Variants in RASGEF1A observed in about 807,000 individuals in gnomAD.
RASGEF1A encodes the protein ras-GEF domain-containing family member 1A.
A neutral mutation model predicts 56.4 loss-of-function variants in RASGEF1A; 18 were observed. The ratio of observed to expected loss-of-function variants is 0.32; its 90% CI spans 0.22 to 0.47. The LOEUF is 0.47. Ranked by LOEUF, RASGEF1A falls within the 20% of genes least tolerant of loss-of-function variation. RASGEF1A has a pLI of 1.00. For synonymous variants in RASGEF1A, 245 were observed against 242.6 expected (o/e 1.01, Z -0.09); for missense variants, 422 against 627.1 (o/e 0.67, Z 3.49).
chr10:43,246,365 C>T (rs1440456135), intron 1 of RASGEF1A, among the ~76,000 whole-genome samples: 2 of 152,136 alleles, frequency 1.3e-5, no homozygotes, highest in Non-Finnish European at 2.9e-5. Context: ...AATGCAATCC[C>T]TATCAAAATT....
chr10:43,200,877 T>C lies in RASGEF1A; in HGVS notation c.471A>G (p.Thr157=), dbSNP rs747047639. 5 of 1,613,854 alleles carry C rather than the reference T, an allele frequency of 3.1e-6. No homozygotes were observed. Among genetic ancestry groups the C allele is most frequent in the East Asian group, 2.2e-5 (1 of 44,868 alleles). Residue 157 remains threonine (T), a synonymous_variant, in exon 5 of 13, where the codon ACA becomes ACG. Transcript: ENST00000395810. ...RVTQCDEENG[T]VKKAIAQMTQ... ...TCATCTGGGCAATGGCCTTCTTCAC[T>C]GTGCCATTCTCCTGTGGGGTCAAGG...
At chr10:43,225,659 ACAGTGG>A (rs1225161953) in intron 1 of RASGEF1A, among the ~76,000 whole-genome samples, 2 of 152,024 alleles carry the variant, frequency 1.3e-5, no homozygotes, top group Non-Finnish European at 2.9e-5. Context: ...CACGATGTCC[ACAGTGG>A]GCCTGCTCTG....
At chr10:43,263,460 G>A (rs1330213577) in intron 1 of RASGEF1A, among the ~76,000 whole-genome samples, 19 of 152,188 alleles carry the variant, frequency 1.2e-4, no homozygotes, top group African/African-American at 4.6e-4. Context: ...AAAAGGAAAA[G>A]CACCTGTCAA....
intron 1 of RASGEF1A, among the ~76,000 whole-genome samples, chr10:43,255,554 C>T (rs1181755820): frequency 6.6e-6 from 1 of 152,256 alleles, no homozygotes; most frequent in Admixed American, 6.5e-5. Flanking sequence ...AGGACAGGAA[C>T]ATCACAGCTC....
chr10:43,236,050 G>C (rs1213027593), intron 1 of RASGEF1A, among the ~76,000 whole-genome samples: 2 of 152,234 alleles, frequency 1.3e-5, no homozygotes, highest in African/African-American at 4.8e-5. Context: ...GACAGCACAT[G>C]GAAATAGGGC....
chr10:43,198,800 C>T (rs1839842226), intron 9 of RASGEF1A, 133 bp downstream of exon 9: 2 of 820,228 alleles, frequency 2.4e-6, no homozygotes, highest in Admixed American at 3.7e-5. Flanking sequence ...GCCAGGCCAG[C>T]TCAGCCAGCA....
chr10:43,204,492 C>T (rs76331985), intron 2 of RASGEF1A, among the ~76,000 whole-genome samples: 1 of 152,228 alleles, frequency 6.6e-6, no homozygotes, highest in Non-Finnish European at 1.5e-5. Flanking sequence ...CTCAGGGTCC[C>T]CCTTCTAAGG....
Position 43,196,263 on chromosome 10 carries a change from G to A in RASGEF1A, c.1427C>T (p.Thr476Ile). Residue 476 changes from threonine to isoleucine, a missense_variant, in exon 13 of 13, where the codon ACC (threonine) becomes ATC (isoleucine). By Grantham distance (89) the Thr-to-Ile change is moderately conservative. Transcript: ENST00000395810. The surrounding 1 kb of genome is among the most constrained non-coding windows in gnomAD (Gnocchi z 4.6). ...EKDSWKTLRT[T>I]LLNRA ...TCCGCCTCAGGCTCTGTTCAGAAGG[G>A]TGGTCCTAGAGGGGGACAGGACAAG... 6.2e-7 allele frequency: 1 copy of A among 1,613,630 alleles called. No individual in the cohort carries two copies. The highest frequency in any genetic ancestry group is 8.5e-7 in the Non-Finnish European group (1 of 1,179,758).
intron 1 of RASGEF1A, chr10:43,229,821 G>GGGGACCGCGGGGTCCGGGCGGGGCAGA: frequency 9.5e-7 from 1 of 1,056,002 alleles, no homozygotes; most frequent in Non-Finnish European, 1.2e-6. Flanking sequence ...GGGCTGGGCT[G>GGGGACCGCGGGGTCCGGGCGGGGCAGA]GGGACCGCGG....
At chr10:43,241,991 A>C (rs1418740845) in intron 1 of RASGEF1A, among the ~76,000 whole-genome samples, 1 of 152,204 alleles carries the variant, frequency 6.6e-6, no homozygotes, top group African/African-American at 2.4e-5. Flanking sequence ...CAAAAAAATT[A>C]GCCAGGCATG....
chr10:43,255,406 T>C (rs559316409), intron 1 of RASGEF1A, among the ~76,000 whole-genome samples: 2 of 152,074 alleles, frequency 1.3e-5, no homozygotes, highest in East Asian at 3.9e-4. Context: ...ACCACTGTCC[T>C]GACCCAGCCC....
chr10:43,247,859 C>G (rs1357219107), intron 1 of RASGEF1A, among the ~76,000 whole-genome samples: 2 of 151,694 alleles, frequency 1.3e-5, no homozygotes, highest in Non-Finnish European at 2.9e-5. Flanking sequence ...GTCAGGAGTT[C>G]AAGACCAGTC....
intron 1 of RASGEF1A, among the ~76,000 whole-genome samples, chr10:43,262,511 G>A (rs1365401978): frequency 2.0e-5 from 3 of 152,198 alleles, no homozygotes; most frequent in African/African-American, 7.2e-5. Flanking sequence ...ACGTGGCCCA[G>A]GCCAGGCACC....
chr10:43,249,968 A>T (rs747142869), intron 1 of RASGEF1A, among the ~76,000 whole-genome samples: 2 of 152,218 alleles, frequency 1.3e-5, no homozygotes, highest in African/African-American at 2.4e-5. Context: ...TCCCTCGGGG[A>T]AAGTCCCCTG....
chr10:43,198,202 G>A lies in RASGEF1A; in HGVS notation c.1033-7C>T. 3 of 1,603,098 alleles carry A rather than the reference G, an allele frequency of 1.9e-6. No individual in the cohort carries two copies. Among genetic ancestry groups the A allele is most frequent in the Non-Finnish European group, 2.6e-6 (3 of 1,171,916 alleles). ...TGGACGGGTCCATGTGATGCTGTGG[G>A]CACAGGGAGGACCTGGTGAGCATCA... On this transcript the variant is annotated splice_region_variant and splice_polypyrimidine_tract_variant and intron_variant, in intron 9 of 12. Transcript: ENST00000395810.
chr10:43,198,903 T>C (rs1308718589), intron 9 of RASGEF1A, 30 bp downstream of exon 9: 1 of 1,574,830 alleles, frequency 6.3e-7, no homozygotes, highest in Admixed American at 1.8e-5. Context: ...TGGGTGCAGC[T>C]CGCAGCTGTG....
chr10:43,257,601 C>T (rs892385555), intron 1 of RASGEF1A, among the ~76,000 whole-genome samples: 2 of 152,192 alleles, frequency 1.3e-5, no homozygotes, highest in African/African-American at 4.8e-5. Flanking sequence ...TGCGCTTCCC[C>T]CGGGCCTCCC....
rs1392938555 is a variant in RASGEF1A, at chr10:43,199,770, T to C, written c.757-2A>G. ...GGTCTTGGTCAGGTCCCCTCGGCAC[T>C]GGAAAGGACACAGCAGGTCATAGGG... On this transcript the variant is annotated splice_acceptor_variant, in intron 6 of 12. Transcript: ENST00000395810. LOFTEE classifies it high-confidence loss of function. The C allele has an allele frequency of 6.2e-7, 1 of 1,612,780 alleles. No homozygotes were observed. Among genetic ancestry groups the C allele is most frequent in the East Asian group, 2.2e-5 (1 of 44,880 alleles).
At chr10:43,219,031 A>G (rs560342752) in intron 1 of RASGEF1A, among the ~76,000 whole-genome samples, 2 of 152,062 alleles carry the variant, frequency 1.3e-5, no homozygotes, top group Non-Finnish European at 2.9e-5. Flanking sequence ...GGCATAGAAC[A>G]TCATTGTCCA....
Sources: allele counts gnomAD v4.1 joint callset (sites outside exome capture counted in the v4.1 genomes callset), GRCh38; gene constraint gnomAD v4.1.1; non-coding constraint Gnocchi (gnomAD v3.1); transcripts MANE v1.5; gene names NCBI Gene and HGNC (gene_info 2026-07-23, HGNC 2026-07-21).